RAB37: variants seen among roughly 807,000 people sequenced by gnomAD.
The protein encoded by RAB37 is ras-related protein Rab-37.
In RAB37, 29 loss-of-function variants were observed where a neutral mutation model predicts 33.1. The observed-to-expected ratio is 0.88, with a 90% CI of 0.65 to 1.20. The LOEUF is 1.20. Ranked by LOEUF, RAB37 falls within the 50% of genes most tolerant of loss-of-function variation. The pLI, the probability that RAB37 is intolerant of heterozygous loss-of-function variation, is 0.00. For synonymous variants in RAB37, 128 were observed against 119.5 expected, an observed-to-expected ratio of 1.07 and a Z score of -0.47; for missense variants, 299 against 301.1, an observed-to-expected ratio of 0.99 and a Z score of 0.05.
At chr17:74,713,549 G>A (rs1485880839) in intron 1 of RAB37, among the ~76,000 whole-genome samples, 3 of 152,052 alleles carry the variant, frequency 2.0e-5, no homozygotes, top group Non-Finnish European at 4.4e-5. Flanking sequence ...GGTTGGCTGG[G>A]GGCAGGGGCA....
intron 1 of RAB37, 47 bp from the exon 2 acceptor site, chr17:74,740,721 A>C (rs1389278167): frequency 3.1e-6 from 4 of 1,298,384 alleles, no homozygotes; most frequent in Admixed American, 1.7e-5. Flanking sequence ...GGAATCCCAG[A>C]AGCTGCCCCT....
At chr17:74,705,842 A>T (rs955141542) in intron 1 of RAB37, among the ~76,000 whole-genome samples, 1 of 152,044 alleles carries the variant, frequency 6.6e-6, no homozygotes, top group African/African-American at 2.4e-5. Flanking sequence ...CGATCCACCC[A>T]CCTCAGCCTC....
At position 74,742,067 on chromosome 17, in the gene RAB37, G is replaced by C. The variant is rs137859571; in HGVS notation, c.205-187G>C. ...GAAGGCAGTTACAGTCCTCAGAAGGGACGACTCCACAGTGGAGGTGTCTGG... is the reference window on the plus strand; with the variant it reads ...GAAGGCAGTTACAGTCCTCAGAAGGCACGACTCCACAGTGGAGGTGTCTGG... On this transcript the variant is annotated intron_variant, in intron 2 of 8. Coordinates refer to ENST00000392613, the MANE Select transcript of RAB37 (RefSeq NM_001006638.3). This position sits in a 1 kb window ranked among gnomAD's most constrained non-coding sequence, Gnocchi z 4.0. Among the ~76,000 whole-genome samples, 272 of 152,310 alleles carry C rather than the reference G, an allele frequency of 1.8e-3. No homozygotes were observed. The highest frequency in any genetic ancestry group is 3.1e-3 in the Non-Finnish European group (208 of 68,024).
chr17:74,713,174 G>T (rs552012260), intron 1 of RAB37, among the ~76,000 whole-genome samples: 1 of 151,938 alleles, frequency 6.6e-6, no homozygotes, highest in Non-Finnish European at 1.5e-5. Flanking sequence ...GCGTGGTGGC[G>T]CACACCTGTA....
intron 1 of RAB37, among the ~76,000 whole-genome samples, chr17:74,700,729 G>A (rs575468118): frequency 1.3e-5 from 2 of 152,202 alleles, no homozygotes; most frequent in East Asian, 1.9e-4. Flanking sequence ...TCCAGCATGG[G>A]TGACAGAGCA....
chr17:74,715,665 G>T (rs2034156140), intron 1 of RAB37, among the ~76,000 whole-genome samples: 1 of 152,174 alleles, frequency 6.6e-6, no homozygotes, highest in African/African-American at 2.4e-5. Context: ...ACTGCCTGTG[G>T]CCAGACCCTC....
At chr17:74,723,580 T>G (rs1250160661) in intron 1 of RAB37, among the ~76,000 whole-genome samples, 1 of 148,992 alleles carries the variant, frequency 6.7e-6, no homozygotes, top group Admixed American at 6.7e-5. Flanking sequence ...ACTAACTTTT[T>G]TTTTTTTTTT....
chr17:74,735,061 G>GAA (rs1555594315), upstream of RAB37, among the ~76,000 whole-genome samples: 8 of 105,614 alleles, frequency 7.6e-5, no homozygotes, highest in African/African-American at 2.4e-4. Context: ...AAGAAAGAAA[G>GAA]AGAAAGAAAG....
chr17:74,729,149 T>G lies in RAB37; in HGVS notation c.73-107T>G. The G allele has an allele frequency of 1.3e-6, 1 of 755,802 alleles. No homozygotes were observed. The highest frequency in any genetic ancestry group is 1.4e-5 in the South Asian group (1 of 71,178). 46.8% of individuals were successfully genotyped at this position (755,802 alleles called of 1,614,324 possible). ...TGTTTCTGTGTGTGTGTGTGCATGT[T>G]GTGCACATGCGTGCTTAGAAAGAAT... On this transcript the variant is annotated intron_variant, in intron 1 of 7. Transcript: ENST00000340415. The surrounding 1 kb of genome is among the most constrained non-coding windows in gnomAD (Gnocchi z 4.2).
chr17:74,726,489 G>A (rs2034309674), intron 1 of RAB37, among the ~76,000 whole-genome samples: 1 of 152,206 alleles, frequency 6.6e-6, no homozygotes, highest in African/African-American at 2.4e-5. Flanking sequence ...TGAGGGGAAC[G>A]TGGATGGACT....
At chr17:74,672,761 T>C (rs766228730) in intron 1 of RAB37, 1 of 152,246 alleles carries the variant, frequency 6.6e-6, no homozygotes, top group Non-Finnish European at 1.5e-5. Context: ...GGCATTACCT[T>C]GGAACTTATT....
intron 1 of RAB37, among the ~76,000 whole-genome samples, chr17:74,679,748 G>A (rs1325585570): frequency 6.6e-6 from 1 of 152,174 alleles, no homozygotes; most frequent in Non-Finnish European, 1.5e-5. Context: ...GAGAGGCTGA[G>A]ATGGGCAGAT....
chr17:74,719,807 G>A (rs748949786), intron 1 of RAB37, among the ~76,000 whole-genome samples: 7 of 152,172 alleles, frequency 4.6e-5, no homozygotes, highest in Non-Finnish European at 1.0e-4. Context: ...GTGAGCCACT[G>A]TACCTGGCCA....
chr17:74,724,993 C>T (rs1260831016), intron 1 of RAB37, among the ~76,000 whole-genome samples: 2 of 152,162 alleles, frequency 1.3e-5, no homozygotes, highest in Non-Finnish European at 1.5e-5. Context: ...GGCTAGAATA[C>T]AAATGGAGGC....
intron 1 of RAB37, among the ~76,000 whole-genome samples, chr17:74,682,892 G>A (rs1438640626): frequency 2.0e-5 from 3 of 152,096 alleles, no homozygotes; most frequent in Admixed American, 6.6e-5. Flanking sequence ...CAATAAGAGC[G>A]AAACTCCGTC....
At chr17:74,743,780 T>C (rs2034680267) in intron 5 of RAB37, among the ~76,000 whole-genome samples, 1 of 152,290 alleles carries the variant, frequency 6.6e-6, no homozygotes, top group East Asian at 1.9e-4. Context: ...ATTTGATAAA[T>C]TCAAGCACCA....
intron 1 of RAB37, among the ~76,000 whole-genome samples, chr17:74,692,113 A>G (rs992058635): frequency 6.6e-6 from 1 of 151,810 alleles, no homozygotes; most frequent in Non-Finnish European, 1.5e-5. Context: ...TGATCCGCCC[A>G]CCTCGGCCTC....
intron 1 of RAB37, chr17:74,705,365 T>G (rs894645750): frequency 1.5e-6 from 1 of 654,740 alleles, no homozygotes. Flanking sequence ...CAACGGCAAC[T>G]GGTCTCCATG....
chr17:74,714,419 A>G (rs1297827090), intron 1 of RAB37, among the ~76,000 whole-genome samples: 1 of 151,288 alleles, frequency 6.6e-6, no homozygotes, highest in Non-Finnish European at 1.5e-5. Flanking sequence ...ACACACACAC[A>G]CACACACACA....
Sources: gnomAD v4.1 joint callset for allele counts (sites outside exome capture counted in the v4.1 genomes callset) on GRCh38, gnomAD v4.1.1 for gene constraint, Gnocchi (gnomAD v3.1) non-coding constraint, MANE v1.5 for transcripts, NCBI Gene and HGNC (gene_info 2026-07-23, HGNC 2026-07-21) for gene names.